TNR: variants seen among roughly 807,000 people sequenced by gnomAD.
TNR encodes tenascin-R.
In TNR, 45 loss-of-function variants were observed where a neutral mutation model predicts 150.4. The ratio of observed to expected loss-of-function variants is 0.30; its 90% CI spans 0.24 to 0.38. The LOEUF (loss-of-function observed/expected upper bound fraction) is 0.38. Among genes scored for constraint, TNR ranks in the 10% least tolerant of loss-of-function variants. The probability of loss-of-function intolerance (pLI) is 1.00; values close to 1 mark genes in which losing one functional copy is unlikely to be tolerated. For missense variants in TNR, 1,544 were observed against 1,759.1 expected, an observed-to-expected ratio of 0.88 and a Z score of 2.19; for synonymous variants, 687 against 678.4, an observed-to-expected ratio of 1.01 and a Z score of -0.20.
chr1:175,322,716 A>C lies in TNR; in HGVS notation c.*641T>G, dbSNP rs1649125035. 6.6e-6 allele frequency: 1 copy of C among 152,284 alleles called. No individual in the cohort carries two copies. The highest frequency in any genetic ancestry group is 2.4e-5 in the African/African-American group (1 of 41,436). The allele number at this position is 152,284 out of a possible 1,614,324, so 9.4% of individuals were successfully genotyped here. Reference sequence around the variant, plus strand: ...AGGATCACTTAAGCTCAGGAAGTCGAGGCTGTAGTGAGCTGAGATTGCACC... The same window carrying C: ...AGGATCACTTAAGCTCAGGAAGTCGCGGCTGTAGTGAGCTGAGATTGCACC... On this transcript the variant is annotated 3_prime_UTR_variant, in exon 23 of 23. Coordinates refer to ENST00000367674, the MANE Select transcript of TNR (RefSeq NM_003285.3).
At chr1:175,559,814 G>T (rs995964826) in intron 1 of TNR, among the ~76,000 whole-genome samples, 3 of 152,186 alleles carry the variant, frequency 2.0e-5, no homozygotes, top group Non-Finnish European at 2.9e-5. Flanking sequence ...ATACACAAGT[G>T]CAAGAATTTT....
intron 1 of TNR, among the ~76,000 whole-genome samples, chr1:175,652,698 C>A (rs1027001817): frequency 6.6e-6 from 1 of 152,190 alleles, no homozygotes; most frequent in Admixed American, 6.5e-5. Context: ...TCCCCTTTGC[C>A]TTCCACCATG....
intron 1 of TNR, among the ~76,000 whole-genome samples, chr1:175,621,025 G>T (rs12073396): frequency 0.5 from 75,626 of 151,908 alleles, 20,708 homozygotes; most frequent in African/African-American, 0.75. Flanking sequence ...GAAATGCTAT[G>T]ACCACGCACC....
At chr1:175,575,125 A>G (rs1662048188) in intron 1 of TNR, among the ~76,000 whole-genome samples, 1 of 152,162 alleles carries the variant, frequency 6.6e-6, no homozygotes, top group Non-Finnish European at 1.5e-5. Flanking sequence ...GAGGTACACC[A>G]TGTCACTTCC....
At chr1:175,646,523 T>C (rs1182912160) in intron 1 of TNR, among the ~76,000 whole-genome samples, 2 of 152,202 alleles carry the variant, frequency 1.3e-5, no homozygotes, top group Non-Finnish European at 2.9e-5. Flanking sequence ...GCTGTTAAAA[T>C]ACTCAGTAGA....
intron 2 of TNR, among the ~76,000 whole-genome samples, chr1:175,484,442 T>G (rs1410163541): frequency 2.0e-5 from 3 of 152,058 alleles, no homozygotes; most frequent in Non-Finnish European, 4.4e-5. Flanking sequence ...TTCCCTTACC[T>G]TTCCACTCTT....
chr1:175,424,626 G>A (rs1183391839), intron 2 of TNR, among the ~76,000 whole-genome samples: 1 of 152,302 alleles, frequency 6.6e-6, no homozygotes, highest in Non-Finnish European at 1.5e-5. Context: ...CTGAACAGCA[G>A]GGCCCTTGGG....
In TNR at chr1:175,327,742, C is replaced by T. The variant is rs757831995; in HGVS notation, c.3793+2332G>A. The stretch of plus-strand genomic sequence containing the variant: ...TTTATTTTCCTTACCATGGGAATCC[C>T]AGTCGAATGCAGCTGCCTTTATGAT... On this transcript the variant is annotated intron_variant, in intron 21 of 22. Coordinates refer to ENST00000367674, the MANE Select transcript of TNR (RefSeq NM_003285.3). Among the ~76,000 whole-genome samples, 86 of 152,156 alleles carry T rather than the reference C, an allele frequency of 5.7e-4. 1 individual carries two copies. The highest frequency in any genetic ancestry group is 5.5e-3 in the Admixed American group (84 of 15,270).
intron 1 of TNR, among the ~76,000 whole-genome samples, chr1:175,702,301 C>A (rs185259363): frequency 1.8e-3 from 270 of 152,298 alleles, no homozygotes; most frequent in African/African-American, 6.3e-3. Context: ...CACTGAGACG[C>A]CTGCTCAGTG....
rs373576101 is a variant in TNR, at chr1:175,506,058, G to T, written c.-64+22211C>A. On this transcript the variant is annotated intron_variant, in intron 2 of 22. Transcript: ENST00000367674. ...CTGTCTCAGAAACAACAGATGAAAT[G>T]GATTCTATAAATGATGAGCACAATA... is the stretch of plus-strand genomic sequence containing the variant. 2.6e-5 allele frequency among the ~76,000 whole-genome samples: 4 copies of T among 152,148 alleles called. No individual in the cohort carries two copies. In the South Asian group the frequency reaches 8.3e-4, roughly 32 times the overall value.
At chr1:175,539,766 T>C (rs1660431293) in intron 1 of TNR, among the ~76,000 whole-genome samples, 4 of 152,228 alleles carry the variant, frequency 2.6e-5, no homozygotes. Flanking sequence ...TCTCTGTTTC[T>C]AAAACTCCTA....
chr1:175,362,377 G>A (rs1557885393), intron 14 of TNR, among the ~76,000 whole-genome samples: 1 of 152,138 alleles, frequency 6.6e-6, no homozygotes, highest in Non-Finnish European at 1.5e-5. Flanking sequence ...ATCTGTTTTA[G>A]AATTCACTTC....
intron 1 of TNR, among the ~76,000 whole-genome samples, chr1:175,729,287 G>A (rs2101951783): frequency 6.6e-6 from 1 of 152,298 alleles, no homozygotes; most frequent in South Asian, 2.1e-4. Flanking sequence ...GGAGCCCCTG[G>A]CATGGGAGCC....
chr1:175,613,556 G>A (rs533363350), intron 1 of TNR, among the ~76,000 whole-genome samples: 45 of 150,478 alleles, frequency 3.0e-4, no homozygotes, highest in African/African-American at 1.1e-3. Context: ...GCCCTCTGTA[G>A]CCTGGCTTCT....
chr1:175,708,691 A>C (rs1666910152), intron 1 of TNR, among the ~76,000 whole-genome samples: 1 of 152,140 alleles, frequency 6.6e-6, no homozygotes, highest in Non-Finnish European at 1.5e-5. Context: ...CAGACAAATG[A>C]ACCATGGACT....
intron 1 of TNR, among the ~76,000 whole-genome samples, chr1:175,633,875 C>CAAA: frequency 6.6e-6 from 1 of 152,186 alleles, no homozygotes; most frequent in Middle Eastern, 3.4e-3. Flanking sequence ...CTGGCAACAG[C>CAAA]AGGGGACAGC....
chr1:175,557,076 T>G (rs1236637633), intron 1 of TNR, among the ~76,000 whole-genome samples: 4 of 152,182 alleles, frequency 2.6e-5, no homozygotes, highest in Non-Finnish European at 4.4e-5. Context: ...TAATCAGGAA[T>G]TGAAGGCAGC....
chr1:175,609,020 G>A (rs1663509360), intron 1 of TNR, among the ~76,000 whole-genome samples: 1 of 152,182 alleles, frequency 6.6e-6, no homozygotes, highest in Non-Finnish European at 1.5e-5. Flanking sequence ...GCACAAAAGG[G>A]AATACTCCTC....
chr1:175,724,654 GT>G (rs1399759513), intron 1 of TNR, among the ~76,000 whole-genome samples: 1 of 152,140 alleles, frequency 6.6e-6, no homozygotes, highest in Non-Finnish European at 1.5e-5. Context: ...TAAATTTAAT[GT>G]TTATGTTTTA....
Sources: gnomAD v4.1 joint callset for allele counts (sites outside exome capture counted in the v4.1 genomes callset) on GRCh38, gnomAD v4.1.1 for gene constraint, MANE v1.5 for transcripts, NCBI Gene and HGNC (gene_info 2026-07-23, HGNC 2026-07-21) for gene names.